Variants in ZC3H12D observed in about 807,000 individuals in gnomAD.
ZC3H12D encodes probable ribonuclease ZC3H12D.
ZC3H12D carries 11 observed loss-of-function variants against 24.2 expected under a neutral mutation model. The observed-to-expected ratio is 0.46, with a 90% CI of 0.29 to 0.75. The LOEUF (loss-of-function observed/expected upper bound fraction) is 0.75. Ranked by LOEUF, ZC3H12D falls within the 30% of genes least tolerant of loss-of-function variation. The pLI is 0.11. For synonymous variants in ZC3H12D, 333 were observed against 341.8 expected, an observed-to-expected ratio of 0.97 and a Z score of 0.28; for missense variants, 740 against 767.7, an observed-to-expected ratio of 0.96 and a Z score of 0.43.
rs1056128299 is a variant in ZC3H12D at position 149,451,064 on chromosome 6, G to T, written c.1203C>A (p.Gly401=). The change falls in exon 6 of 6, where the codon GGC becomes GGA. Residue 401 remains glycine (G), a synonymous_variant. Coordinates refer to ENST00000409806, the MANE Select transcript of ZC3H12D (RefSeq NM_207360.3). ...LPSPESQFSP[G]DLPPPPGLQL... is the part of the protein sequence containing the mutation. ...GCAGGCCGGGCGGAGGCGGGAGGTC[G>T]CCCGGGGAGAACTGGCTCTCCGGGC... 1.4e-6 allele frequency: 2 copies of T among 1,402,906 alleles called. No homozygotes were observed. The highest frequency in any genetic ancestry group is 3.0e-5 in the African/African-American group (2 of 66,282). The allele number at this position is 1,402,906 out of a possible 1,614,324, so 86.9% of individuals were successfully genotyped here. A position where few individuals can be genotyped will look rare whatever the true frequency, so the allele number is the denominator to read the frequency against.
At chr6:149,453,580 A>G (rs1214976439) in intron 4 of ZC3H12D, among the ~76,000 whole-genome samples, 1 of 149,526 alleles carries the variant, frequency 6.7e-6, no homozygotes, top group Non-Finnish European at 1.5e-5. Flanking sequence ...GTGAGCCGAG[A>G]TCATGCTACT....
chr6:149,480,867 C>T (rs553785189), intron 1 of ZC3H12D, among the ~76,000 whole-genome samples: 45 of 148,876 alleles, frequency 3.0e-4, no homozygotes, highest in Non-Finnish European at 3.6e-4. Context: ...CTTCCAAGTG[C>T]GAAGAAGGGC....
Position 149,456,842 on chromosome 6 carries a change from GCGGGA to G in ZC3H12D, c.499_503del (p.Ser167GlnfsTer64). The G allele has an allele frequency of 6.2e-7, 1 of 1,609,952 alleles. No individual in the cohort carries two copies. The highest frequency in any genetic ancestry group is 8.5e-7 in the Non-Finnish European group (1 of 1,179,716). ...AGACCAGGCGCTTGCCGTGCACCTT[GCGGGA>G]CGGCGTGTACACCAGCACCGCCTGC... On this transcript the variant is annotated frameshift_variant, in exon 4 of 6. Coordinates refer to ENST00000409806, the MANE Select transcript of ZC3H12D (RefSeq NM_207360.3). LOFTEE classifies it high-confidence loss of function. This position sits in a 1 kb window ranked among gnomAD's most constrained non-coding sequence, Gnocchi z 4.3.
chr6:149,470,712 A>G (rs892796830), intron 2 of ZC3H12D, among the ~76,000 whole-genome samples: 1 of 152,226 alleles, frequency 6.6e-6, no homozygotes, highest in Admixed American at 6.5e-5. Flanking sequence ...TGGATGGCTG[A>G]AAAGGGACAG....
At position 149,450,321 on chromosome 6, in the gene ZC3H12D, G is replaced by C. The variant is rs909021839; in HGVS notation, c.*362C>G. 4.4e-6 allele frequency: 1 copy of C among 227,666 alleles called. No homozygotes were observed. The highest frequency in any genetic ancestry group is 2.3e-5 in the African/African-American group (1 of 43,850). 14.1% of individuals were successfully genotyped at this position (227,666 alleles called of 1,614,324 possible). A position where few individuals can be genotyped will look rare whatever the true frequency, so the allele number is the denominator to read the frequency against. ...GTTCAGACTCAGCCTGATGGCACAGGGTGCGCTTTGCCCTGTCCCAGTCCA... is the reference window on the plus strand; with the variant it reads ...GTTCAGACTCAGCCTGATGGCACAGCGTGCGCTTTGCCCTGTCCCAGTCCA... On this transcript the variant is annotated 3_prime_UTR_variant, in exon 6 of 6. Coordinates refer to ENST00000409806, the MANE Select transcript of ZC3H12D (RefSeq NM_207360.3).
intron 2 of ZC3H12D, among the ~76,000 whole-genome samples, chr6:149,464,788 A>T (rs1339221575): frequency 6.6e-6 from 1 of 152,234 alleles, no homozygotes; most frequent in Non-Finnish European, 1.5e-5. Flanking sequence ...GGAAGGATCC[A>T]AACACAGGCA....
At chr6:149,469,393 G>A (rs1047337318) in intron 2 of ZC3H12D, among the ~76,000 whole-genome samples, 1 of 152,028 alleles carries the variant, frequency 6.6e-6, no homozygotes, top group Admixed American at 6.6e-5. Flanking sequence ...GGGAGGCGGA[G>A]CTTGCAGTGA....
chr6:149,476,766 C>A (rs1776348879), intron 1 of ZC3H12D, among the ~76,000 whole-genome samples: 1 of 151,506 alleles, frequency 6.6e-6, no homozygotes, highest in Admixed American at 6.6e-5. Flanking sequence ...CGAGATCATA[C>A]CACTGCACTT....
At chr6:149,458,111 C>CTCGTTTCTTTTTTTTTTTTTTTTTTTT (rs1246641761) in intron 3 of ZC3H12D, among the ~76,000 whole-genome samples, 1 of 80,240 alleles carries the variant, frequency 1.2e-5, no homozygotes, top group African/African-American at 4.6e-5. Context: ...CTTTCTTTTT[C>CTCGTTTCTTTTTTTTTTTTTTTTTTTT]TTTTTTTTTT....
At chr6:149,476,676 C>T (rs1448713643) in intron 1 of ZC3H12D, among the ~76,000 whole-genome samples, 3 of 152,000 alleles carry the variant, frequency 2.0e-5, no homozygotes, top group African/African-American at 7.3e-5. Context: ...GGCATGGTGG[C>T]GTTGGCCTGT....
chr6:149,457,094 G>A (rs1775996898), intron 3 of ZC3H12D, among the ~76,000 whole-genome samples, 194 bp from the exon 4 acceptor site: 1 of 152,222 alleles, frequency 6.6e-6, no homozygotes, highest in South Asian at 2.1e-4. Context: ...TGAAGCCCCA[G>A]GTCAAGCAGG....
chr6:149,466,824 C>T (rs1344315676), intron 2 of ZC3H12D, among the ~76,000 whole-genome samples: 10 of 151,420 alleles, frequency 6.6e-5, no homozygotes, highest in Non-Finnish European at 1.2e-4. Flanking sequence ...TTCAGTGAGC[C>T]GAGATCAAGC....
chr6:149,473,923 T>G (rs1776288118), intron 2 of ZC3H12D, among the ~76,000 whole-genome samples: 1 of 151,978 alleles, frequency 6.6e-6, no homozygotes, highest in Non-Finnish European at 1.5e-5. Flanking sequence ...AAAAGAAGGC[T>G]CTTCCTCTGG....
chr6:149,481,231 T>A (rs1242330209), intron 1 of ZC3H12D, among the ~76,000 whole-genome samples: 2 of 151,594 alleles, frequency 1.3e-5, no homozygotes, highest in Non-Finnish European at 2.9e-5. Context: ...ACTGTGACGT[T>A]TGTTTTAATT....
intron 1 of ZC3H12D, among the ~76,000 whole-genome samples, chr6:149,482,347 C>A (rs769853911): frequency 8.5e-5 from 13 of 152,250 alleles, no homozygotes; most frequent in Non-Finnish European, 1.5e-4. Context: ...AGCCGCGTCT[C>A]GTTTCCTCCT....
In ZC3H12D at chr6:149,456,621, C is replaced by G. The variant is rs1422121754; in HGVS notation, c.680+45G>C. ...TGGCCACTGCCTCGACCCCGGCCCCCCGCCCCGCCGCCCCCCAGGGTGTCA... is the reference window on the plus strand; with the variant it reads ...TGGCCACTGCCTCGACCCCGGCCCCGCGCCCCGCCGCCCCCCAGGGTGTCA... On this transcript the variant is annotated intron_variant, in intron 4 of 5. Coordinates refer to ENST00000409806, the MANE Select transcript of ZC3H12D (RefSeq NM_207360.3). The surrounding 1 kb of genome is among the most constrained non-coding windows in gnomAD (Gnocchi z 4.3). 7.7e-7 allele frequency: 1 copy of G among 1,297,208 alleles called. No individual in the cohort carries two copies. Among genetic ancestry groups the G allele is most frequent in the Non-Finnish European group, 1.1e-6 (1 of 906,314 alleles). 80.4% of individuals were successfully genotyped at this position (1,297,208 alleles called of 1,614,324 possible). A position where few individuals can be genotyped will look rare whatever the true frequency, so the allele number is the denominator to read the frequency against.
intron 1 of ZC3H12D, among the ~76,000 whole-genome samples, chr6:149,480,517 C>A (rs1048122621): frequency 1.3e-5 from 2 of 152,180 alleles, no homozygotes; most frequent in African/African-American, 4.8e-5. Flanking sequence ...GTAATCCCAG[C>A]ACTTTGGGAA....
At chr6:149,475,424 A>T (rs1776319725) in intron 1 of ZC3H12D, among the ~76,000 whole-genome samples, 1 of 152,210 alleles carries the variant, frequency 6.6e-6, no homozygotes, top group East Asian at 1.9e-4. Context: ...CTGCAATAGA[A>T]GGGCCTGCCC....
Position 149,452,104 on chromosome 6 carries a change from T to C in ZC3H12D, c.787+512A>G, listed in dbSNP as rs904330233. ...CTAATTCTAACAAGAAATGATTGAC[T>C]GTCACCCAAGTCTTTACTGAACTTG... On this transcript the variant is annotated intron_variant, in intron 5 of 5. Transcript: ENST00000409806. This position sits in a 1 kb window ranked among gnomAD's most constrained non-coding sequence, Gnocchi z 4.0. The C allele has an allele frequency of 6.5e-6, 1 of 154,190 alleles. No individual in the cohort carries two copies. The highest frequency in any genetic ancestry group is 6.5e-5 in the Admixed American group (1 of 15,374). 9.6% of individuals were successfully genotyped at this position (154,190 alleles called of 1,614,324 possible).
Sources: gnomAD v4.1 joint callset for allele counts (sites outside exome capture counted in the v4.1 genomes callset) on GRCh38, gnomAD v4.1.1 for gene constraint, Gnocchi (gnomAD v3.1) non-coding constraint, MANE v1.5 for transcripts, NCBI Gene and HGNC (gene_info 2026-07-23, HGNC 2026-07-21) for gene names.